CLDN1: variants seen among roughly 807,000 people sequenced by gnomAD.
The protein encoded by CLDN1 is claudin-1.
Under a neutral mutation model 22.6 loss-of-function variants are expected in CLDN1, and 12 were observed. That is an observed-to-expected ratio of 0.53 (90% confidence interval 0.34 to 0.86). The LOEUF (loss-of-function observed/expected upper bound fraction) is 0.86, where lower values mean the gene tolerates loss of function less well. Among genes scored for constraint, CLDN1 ranks in the 40% least tolerant of loss-of-function variants. The pLI is 0.02. For synonymous variants in CLDN1, 99 were observed against 103.8 expected (o/e 0.95, Z 0.28); for missense variants, 250 against 269.5 (o/e 0.93, Z 0.51).
At chr3:190,315,571 G>A (rs1396948513) in intron 1 of CLDN1, among the ~76,000 whole-genome samples, 1 of 152,106 alleles carries the variant, frequency 6.6e-6, no homozygotes, top group East Asian at 1.9e-4. Context: ...ATATTTCTAT[G>A]ACAGCACTTC....
chr3:190,313,930 T>C lies in CLDN1; in HGVS notation c.224-894A>G, dbSNP rs553097843. On this transcript the variant is annotated intron_variant, in intron 1 of 3. Transcript: ENST00000295522. The stretch of plus-strand genomic sequence containing the variant: ...TGGCATAAAGGCACAGATTTTTAAA[T>C]ATGAACTGAAACTATGCTGGTTAGA... 2.2e-3 allele frequency among the ~76,000 whole-genome samples: 338 copies of C among 152,330 alleles called. 2 individuals carry two copies. Among genetic ancestry groups the C allele is most frequent in the African/African-American group, 7.4e-3 (309 of 41,574 alleles).
chr3:190,312,017 G>A (rs1716634655), intron 2 of CLDN1, among the ~76,000 whole-genome samples: 1 of 150,692 alleles, frequency 6.6e-6, no homozygotes, highest in South Asian at 2.1e-4. Flanking sequence ...GTGCGATCTC[G>A]GCTCCCGAGT....
rs1716483653 is a variant in CLDN1 at position 190,307,387 on chromosome 3, G to A, written c.*890C>T. On this transcript the variant is annotated 3_prime_UTR_variant, in exon 4 of 4. Coordinates refer to ENST00000295522, the MANE Select transcript of CLDN1 (RefSeq NM_021101.5). ...GTAGCTTAAAAATTCAATCAATAAA[G>A]TTGTGTTACAACACCTGGGGGAACA... The A allele has an allele frequency of 1.3e-5, 2 of 152,122 alleles. No individual in the cohort carries two copies. Among genetic ancestry groups the A allele is most frequent in the South Asian group, 4.1e-4 (2 of 4,822 alleles). 9.4% of individuals were successfully genotyped at this position (152,122 alleles called of 1,614,324 possible). A position where few individuals can be genotyped will look rare whatever the true frequency, so the allele number is the denominator to read the frequency against.
Position 190,313,181 on chromosome 3 carries a change from G to T in CLDN1, c.224-145C>A, listed in dbSNP as rs75362024. Reference sequence around the variant, plus strand: ...AGACCCCAGTCATACTGATGTTTCCGCTGGTAACCCAATATACAGTATCTT... The same window carrying T: ...AGACCCCAGTCATACTGATGTTTCCTCTGGTAACCCAATATACAGTATCTT... On this transcript the variant is annotated intron_variant, in intron 1 of 3. Coordinates refer to ENST00000295522, the MANE Select transcript of CLDN1 (RefSeq NM_021101.5). The T allele has an allele frequency of 5.8e-5, 49 of 843,030 alleles. No individual in the cohort carries two copies. In the African/African-American group the frequency reaches 7.8e-4, roughly 13 times the overall value. 52.2% of individuals were successfully genotyped at this position (843,030 alleles called of 1,614,324 possible).
intron 1 of CLDN1, among the ~76,000 whole-genome samples, chr3:190,320,953 C>T (rs1215958506): frequency 1.4e-5 from 2 of 147,216 alleles, no homozygotes; most frequent in African/African-American, 5.1e-5. Flanking sequence ...AACTCGAAAC[C>T]TTTAATTTAA....
At chr3:190,309,071 C>T (rs3774032) in intron 3 of CLDN1, among the ~76,000 whole-genome samples, 23,326 of 152,034 alleles carry the variant, frequency 0.15, 2,056 homozygotes, top group Middle Eastern at 0.25. Context: ...AGTTATAAGG[C>T]CAAGTCTAAA....
Position 190,312,970 on chromosome 3 carries a change from A to G in CLDN1, c.290T>C (p.Val97Ala), listed in dbSNP as rs1356057476. ...GILLGVIAIF[V>A]ATVGMKCMKC... Reference sequence around the variant, plus strand: ...CATACACTTCATGCCAACGGTGGCCACAAAGATTGCTATCACTCCCAGGAG... The same window carrying G: ...CATACACTTCATGCCAACGGTGGCCGCAAAGATTGCTATCACTCCCAGGAG... Residue 97 changes from valine (V) to alanine (A), a missense_variant, in exon 2 of 4, where the codon GTG becomes GCG. Coordinates refer to ENST00000295522, the MANE Select transcript of CLDN1 (RefSeq NM_021101.5). 6.2e-7 allele frequency: 1 copy of G among 1,614,104 alleles called. No homozygotes were observed. The highest frequency in any genetic ancestry group is 8.5e-7 in the Non-Finnish European group (1 of 1,180,050).
At chr3:190,316,179 A>G (rs747761537) in intron 1 of CLDN1, among the ~76,000 whole-genome samples, 1 of 152,234 alleles carries the variant, frequency 6.6e-6, no homozygotes, top group Non-Finnish European at 1.5e-5. Context: ...AGAAAATGGA[A>G]AACACAATAT....
In CLDN1 at chr3:190,310,858, C is replaced by G. The variant is rs1049343888; in HGVS notation, c.389-605G>C. Among the ~76,000 whole-genome samples, 6 of 152,124 alleles carry G rather than the reference C, an allele frequency of 3.9e-5. No homozygotes were observed. The East Asian group carries it at 1.2e-3, about 29-fold the overall frequency. On this transcript the variant is annotated intron_variant, in intron 2 of 3. Transcript: ENST00000295522. ...TGCCACATCAGATCAATTTATGCAA[C>G]CCAATCTCAATTTCCCATGGCATTT...
chr3:190,311,253 A>T (rs574838690), intron 2 of CLDN1, among the ~76,000 whole-genome samples: 1 of 152,332 alleles, frequency 6.6e-6, no homozygotes, highest in African/African-American at 2.4e-5. Context: ...AATGCAATGC[A>T]TTTCATCCTC....
At chr3:190,319,855 A>C (rs1445554007) in intron 1 of CLDN1, among the ~76,000 whole-genome samples, 1 of 152,242 alleles carries the variant, frequency 6.6e-6, no homozygotes, top group African/African-American at 2.4e-5. Flanking sequence ...GCTCAGGCAG[A>C]GAAATGAAGT....
intron 1 of CLDN1, 23 bp from the exon 2 acceptor site, chr3:190,313,059 A>G (rs370757512): frequency 5.6e-6 from 9 of 1,613,862 alleles, no homozygotes; most frequent in Non-Finnish European, 7.6e-6. Flanking sequence ...ATTTTAAAAC[A>G]TGTAAAAATA....
intron 2 of CLDN1, among the ~76,000 whole-genome samples, chr3:190,311,603 T>A (rs1290273930): frequency 1.3e-5 from 2 of 151,158 alleles, no homozygotes; most frequent in Admixed American, 6.6e-5. Context: ...TATCTGTTAT[T>A]TTTTTAAAAT....
At position 190,308,459 on chromosome 3, in the gene CLDN1, T is replaced by G. The variant is rs1716522038; in HGVS notation, c.474-20A>C. The G allele has an allele frequency of 4.3e-6, 7 of 1,612,684 alleles. No homozygotes were observed. Among genetic ancestry groups the G allele is most frequent in the Non-Finnish European group, 5.9e-6 (7 of 1,178,990 alleles). ...TCGTACCTAAAAGGAAAAACCCATG[T>G]GCTTGTTAATCAGTGAATTATTGGC... On this transcript the variant is annotated intron_variant, in intron 3 of 3. Coordinates refer to ENST00000295522, the MANE Select transcript of CLDN1 (RefSeq NM_021101.5).
At chr3:190,317,922 A>G (rs1480522054) in intron 1 of CLDN1, among the ~76,000 whole-genome samples, 1 of 152,192 alleles carries the variant, frequency 6.6e-6, no homozygotes, top group Non-Finnish European at 1.5e-5. Flanking sequence ...TAGTTGCTTA[A>G]TAAGTATTAA....
chr3:190,309,087 A>G (rs997185192), intron 3 of CLDN1, among the ~76,000 whole-genome samples: 4 of 152,192 alleles, frequency 2.6e-5, no homozygotes, highest in African/African-American at 9.6e-5. Flanking sequence ...CTAAATCCTG[A>G]TGCAGACTCT....
rs1222143947 is a variant in CLDN1, at chr3:190,306,533, T to C, written c.*1744A>G. ...TCTCACTGGATCCCCACAACATCAC[T>C]GTGAGGTGGGAAGATCAGGAATTAC... On this transcript the variant is annotated 3_prime_UTR_variant, in exon 4 of 4. Coordinates refer to ENST00000295522, the MANE Select transcript of CLDN1 (RefSeq NM_021101.5). The C allele has an allele frequency of 6.6e-6, 1 of 152,454 alleles. No individual in the cohort carries two copies. The highest frequency in any genetic ancestry group is 2.4e-5 in the African/African-American group (1 of 41,434). The allele number at this position is 152,454 out of a possible 1,614,324, so 9.4% of individuals were successfully genotyped here.
At chr3:190,321,652 C>T (rs1274798922) in intron 1 of CLDN1, among the ~76,000 whole-genome samples, 2 of 152,170 alleles carry the variant, frequency 1.3e-5, no homozygotes, top group Admixed American at 6.5e-5. Flanking sequence ...CCCCAAATCT[C>T]GGAATGCCTA....
At chr3:190,315,090 C>A (rs1017537700) in intron 1 of CLDN1, among the ~76,000 whole-genome samples, 1 of 152,174 alleles carries the variant, frequency 6.6e-6, no homozygotes, top group African/African-American at 2.4e-5. Context: ...ATGGTTTTTG[C>A]AAAGGCTATC....
Sources: allele counts gnomAD v4.1 joint callset (sites outside exome capture counted in the v4.1 genomes callset), GRCh38; gene constraint gnomAD v4.1.1; transcripts MANE v1.5; gene names NCBI Gene and HGNC (gene_info 2026-07-23, HGNC 2026-07-21).